ARAP2: variants seen among roughly 807,000 people sequenced by gnomAD.
ARAP2 encodes the protein arf-GAP with Rho-GAP domain, ANK repeat and PH domain-containing protein 2.
ARAP2 carries 148 observed loss-of-function variants against 194.5 expected under a neutral mutation model. The ratio of observed to expected loss-of-function variants is 0.76; its 90% CI spans 0.67 to 0.87. The LOEUF (loss-of-function observed/expected upper bound fraction) is 0.87. ARAP2 is among the 40% of genes least tolerant of loss of function. The pLI, the probability that ARAP2 is intolerant of heterozygous loss-of-function variation, is 0.00. For missense variants in ARAP2, 2,128 were observed against 1,989.7 expected, an observed-to-expected ratio of 1.07 and a Z score of -1.32; for synonymous variants, 695 against 683.5, an observed-to-expected ratio of 1.02 and a Z score of -0.26.
chr4:36,136,737 A>G (rs546901596), intron 19 of ARAP2, among the ~76,000 whole-genome samples: 59 of 151,832 alleles, frequency 3.9e-4, no homozygotes, highest in Non-Finnish European at 1.5e-4. Context: ...TAAGTCACAG[A>G]AAGAATTAGC....
intron 19 of ARAP2, among the ~76,000 whole-genome samples, chr4:36,135,683 AT>A (rs901210994): frequency 1.3e-5 from 2 of 151,898 alleles, no homozygotes; most frequent in East Asian, 3.9e-4. Flanking sequence ...AACTCAGATA[AT>A]TTTTTGAGAA....
chr4:36,033,791 T>A (rs1017236040), intron 5 of ARAP2, among the ~76,000 whole-genome samples: 2 of 152,196 alleles, frequency 1.3e-5, no homozygotes, highest in African/African-American at 4.8e-5. Flanking sequence ...GTTTTACATT[T>A]AAGCCTTTTA....
At chr4:36,013,853 C>T (rs1284208580) in intron 8 of ARAP2, among the ~76,000 whole-genome samples, 1 of 152,160 alleles carries the variant, frequency 6.6e-6, no homozygotes, top group Non-Finnish European at 1.5e-5. Flanking sequence ...GTGAAAGAGA[C>T]AGCAGTTACA....
chr4:36,212,364 A>C, intron 5 of ARAP2, 32 bp downstream of exon 5: 1 of 1,505,166 alleles, frequency 6.6e-7, no homozygotes, highest in Non-Finnish European at 9.2e-7. Context: ...TTTATTCTAA[A>C]TAGTTAATCA....
intron 6 of ARAP2, among the ~76,000 whole-genome samples, chr4:36,208,924 G>A (rs1184677813): frequency 6.6e-6 from 1 of 151,972 alleles, no homozygotes; most frequent in African/African-American, 2.4e-5. Flanking sequence ...TCTAACCTTA[G>A]GCAGGTTCAG....
chr4:36,087,346 T>A (rs1712155215), intron 28 of ARAP2, among the ~76,000 whole-genome samples: 1 of 152,084 alleles, frequency 6.6e-6, no homozygotes, highest in Non-Finnish European at 1.5e-5. Flanking sequence ...GTTGCATTAA[T>A]CTATTCTGAC....
intron 28 of ARAP2, among the ~76,000 whole-genome samples, chr4:36,088,288 C>A (rs921957095): frequency 1.3e-5 from 2 of 151,970 alleles, no homozygotes; most frequent in Non-Finnish European, 2.9e-5. Context: ...TCAAGGTGGG[C>A]GGTCCACTGC....
intron 5 of ARAP2, chr4:36,019,373 G>A (rs1644787985): frequency 1.3e-5 from 2 of 149,200 alleles, no homozygotes; most frequent in African/African-American, 2.6e-5. Context: ...AATGTACTAG[G>A]AGCTCAAAGT....
chr4:36,172,191 A>C (rs1258181565), intron 9 of ARAP2, among the ~76,000 whole-genome samples: 4 of 152,234 alleles, frequency 2.6e-5, no homozygotes, highest in African/African-American at 9.6e-5. Flanking sequence ...TGCTTAGCTT[A>C]GCAGATCTGG....
intron 1 of ARAP2, among the ~76,000 whole-genome samples, chr4:36,232,251 T>C (rs1376254300): frequency 6.6e-6 from 1 of 152,244 alleles, no homozygotes; most frequent in Non-Finnish European, 1.5e-5. Flanking sequence ...CCGAAACTCA[T>C]GACATCTTTT....
intron 27 of ARAP2, among the ~76,000 whole-genome samples, chr4:36,099,560 GACAA>G (rs939773879): frequency 4.6e-5 from 7 of 152,020 alleles, no homozygotes; most frequent in African/African-American, 1.7e-4. Flanking sequence ...CCTGGTTTGT[GACAA>G]ACAAACATTG....
At chr4:36,168,164 C>T (rs765887890) in intron 9 of ARAP2, among the ~76,000 whole-genome samples, 17 of 152,118 alleles carry the variant, frequency 1.1e-4, no homozygotes, top group Non-Finnish European at 4.4e-5. Flanking sequence ...TTAGAAGTGG[C>T]CATGTGTTGT....
Position 36,177,935 on chromosome 4 carries a change from T to C in ARAP2, c.1749A>G (p.Gln583=). ...CACATTTCTCAGGTGTAACAACAGCTTGAGACTGCGAGGTAAGGGATTGTG... is the reference window on the plus strand; with the variant it reads ...CACATTTCTCAGGTGTAACAACAGCCTGAGACTGCGAGGTAAGGGATTGTG... The part of the protein sequence containing the change: ...LKSQSLTSQS[Q]AVVTPEKCGY... The change falls in exon 9 of 33, where the codon CAA becomes CAG. Residue 583 remains glutamine, a synonymous_variant. Transcript: ENST00000303965. 2 of 1,613,666 alleles carry C rather than the reference T, an allele frequency of 1.2e-6. No homozygotes were observed. Among genetic ancestry groups the C allele is most frequent in the Non-Finnish European group, 1.7e-6 (2 of 1,179,714 alleles).
intron 19 of ARAP2, among the ~76,000 whole-genome samples, chr4:36,146,100 A>T (rs1199109512): frequency 1.3e-5 from 2 of 152,036 alleles, no homozygotes; most frequent in Non-Finnish European, 2.9e-5. Flanking sequence ...AAACAGCACC[A>T]TAATTCAGTA....
chr4:36,192,413 A>G (rs1252077539), intron 7 of ARAP2, among the ~76,000 whole-genome samples: 1 of 152,186 alleles, frequency 6.6e-6, no homozygotes, highest in African/African-American at 2.4e-5. Context: ...TTAAAAGAAC[A>G]AACAGAGGGA....
At chr4:36,031,513 A>T (rs868116632) in intron 5 of ARAP2, among the ~76,000 whole-genome samples, 3 of 152,148 alleles carry the variant, frequency 2.0e-5, no homozygotes, top group Non-Finnish European at 4.4e-5. Context: ...AAATATTGGC[A>T]ACATTACAAA....
chr4:36,027,386 GCCTC>G lies in ARAP2; in HGVS notation n.608-8104_608-8101del, dbSNP rs1214586781. On this transcript the variant is annotated intron_variant and non_coding_transcript_variant, in intron 5 of 12. Coordinates refer to the ARAP2 transcript ENST00000503225. The stretch of plus-strand genomic sequence containing the variant: ...CCCATAGATTCCCCTCTGATTGTAA[GCCTC>G]CCTCGGTGCCTTTGTATTTGCTGTT... Among the ~76,000 whole-genome samples the G allele has an allele frequency of 2.6e-5, 4 of 151,760 alleles. No homozygotes were observed. In the East Asian group the frequency reaches 7.8e-4, roughly 29 times the overall value.
chr4:36,142,445 T>C (rs1724336556), intron 19 of ARAP2, among the ~76,000 whole-genome samples: 1 of 151,426 alleles, frequency 6.6e-6, no homozygotes, highest in African/African-American at 2.4e-5. Flanking sequence ...CAGATATCTT[T>C]GACAAAGTGA....
chr4:36,042,849 T>TTC (rs1560309658), intron 5 of ARAP2, among the ~76,000 whole-genome samples: 3 of 33,876 alleles, frequency 8.9e-5, no homozygotes, highest in Non-Finnish European at 1.6e-4. Context: ...TTTTCTTCTT[T>TTC]TTTTTTTTTT....
Sources: allele counts gnomAD v4.1 joint callset (sites outside exome capture counted in the v4.1 genomes callset), GRCh38; gene constraint gnomAD v4.1.1; transcripts MANE v1.5; gene names NCBI Gene and HGNC (gene_info 2026-07-23, HGNC 2026-07-21).